Variants in MTRF1 observed in about 807,000 individuals in gnomAD.
MTRF1 encodes mitochondrial translation release factor 1.
MTRF1 carries 51 observed loss-of-function variants against 62.9 expected under a neutral mutation model. The observed-to-expected ratio is 0.81, with a 90% confidence interval of 0.65 to 1.02. The LOEUF (loss-of-function observed/expected upper bound fraction) is 1.02, where lower values mean the gene tolerates loss of function less well. MTRF1 is among the 50% of genes least tolerant of loss of function. MTRF1 has a pLI of 0.00. For missense variants in MTRF1, 446 were observed against 530.0 expected, an observed-to-expected ratio of 0.84 and a Z score of 1.56; for synonymous variants, 158 against 181.9, an observed-to-expected ratio of 0.87 and a Z score of 1.06.
chr13:41,246,146 G>C (rs769825981), intron 5 of MTRF1, among the ~76,000 whole-genome samples: 2 of 152,124 alleles, frequency 1.3e-5, no homozygotes, highest in South Asian at 2.1e-4. Context: ...GTTATGAGAG[G>C]GTTCTCCAGT....
chr13:41,311,346 C>T, the MTRF1 span: 1 of 608,260 alleles, frequency 1.6e-6, no homozygotes, highest in South Asian at 2.0e-5. Flanking sequence ...AGACCGCCTT[C>T]CTTCTCCATT....
In MTRF1 at chr13:41,223,268, A is replaced by C; in HGVS notation, c.1212T>G (p.Val404=). 1 of 1,612,430 alleles carries C rather than the reference A, an allele frequency of 6.2e-7. No homozygotes were observed. ...RVSDHRIAYE[V]RDIKEFLCGG... ...TCAGTAGTATTACCTTAATATCACG[A>C]ACTTCATATGCTATCCTGTGGTCAC... The change falls in exon 9 of 10, where the codon GTT becomes GTG. Residue 404 remains valine (V), a synonymous_variant. Transcript: ENST00000379480.
intron 1 of MTRF1, 122 bp from the exon 2 acceptor site, chr13:41,261,037 T>A: frequency 2.0e-6 from 2 of 978,028 alleles, no homozygotes; most frequent in Non-Finnish European, 2.9e-6. Context: ...TCCACAGTCT[T>A]AAAATTCAAC....
the MTRF1 span, among the ~76,000 whole-genome samples, chr13:41,280,064 A>T: frequency 1.3e-5 from 2 of 152,114 alleles, no homozygotes; most frequent in African/African-American, 4.8e-5. Flanking sequence ...CAGCCTCCCA[A>T]GTAGCAGGGA....
chr13:41,240,006 C>T (rs1229758853), intron 6 of MTRF1, among the ~76,000 whole-genome samples: 1 of 151,922 alleles, frequency 6.6e-6, no homozygotes, highest in African/African-American at 2.4e-5. Context: ...ACTAAAAATA[C>T]AAAAAAATTA....
the MTRF1 span, among the ~76,000 whole-genome samples, chr13:41,291,327 C>CCCA: frequency 6.6e-6 from 1 of 151,746 alleles, no homozygotes; most frequent in African/African-American, 2.4e-5. Flanking sequence ...ATAGGCACAC[C>CCCA]CCACCACTCC....
At chr13:41,239,572 A>AT (rs1198204338) in intron 6 of MTRF1, among the ~76,000 whole-genome samples, 1 of 152,040 alleles carries the variant, frequency 6.6e-6, no homozygotes. Context: ...TAAAAAAAAA[A>AT]GGTTAGGGAA....
intron 7 of MTRF1, among the ~76,000 whole-genome samples, chr13:41,231,620 GA>G (rs2035574158): frequency 6.6e-6 from 1 of 152,180 alleles, no homozygotes; most frequent in Non-Finnish European, 1.5e-5. Context: ...TAAAAAAGCT[GA>G]TTAATCCTCT....
chr13:41,246,081 C>T (rs1249164349), intron 5 of MTRF1, among the ~76,000 whole-genome samples: 1 of 152,190 alleles, frequency 6.6e-6, no homozygotes, highest in Non-Finnish European at 1.5e-5. Context: ...TAAACCTCCT[C>T]CCAGCTCCAG....
At chr13:41,227,438 TG>T (rs2034645062) in intron 7 of MTRF1, among the ~76,000 whole-genome samples, 1 of 152,172 alleles carries the variant, frequency 6.6e-6, no homozygotes, top group African/African-American at 2.4e-5. Context: ...CTAAGTTAGC[TG>T]GGGTCCAGCT....
intron 9 of MTRF1, among the ~76,000 whole-genome samples, chr13:41,222,734 A>G (rs939884106): frequency 1.3e-5 from 2 of 152,234 alleles, no homozygotes; most frequent in African/African-American, 4.8e-5. Flanking sequence ...CAGTCCTACA[A>G]TCGAAGGCAA....
chr13:41,231,669 A>G (rs1035214406), intron 7 of MTRF1, among the ~76,000 whole-genome samples: 3 of 152,196 alleles, frequency 2.0e-5, no homozygotes, highest in Non-Finnish European at 4.4e-5. Context: ...GGGTATGTGG[A>G]TAAGTGCACT....
chr13:41,307,512 T>C, the MTRF1 span, among the ~76,000 whole-genome samples: 1,599 of 152,014 alleles, frequency 0.011, 30 homozygotes, highest in African/African-American at 0.035. Context: ...TGGTCCCAGC[T>C]ACTCAGGAGG....
At chr13:41,267,017 A>AAAT (rs2040848388), upstream of MTRF1, among the ~76,000 whole-genome samples, 1 of 141,166 alleles carries the variant, frequency 7.1e-6, no homozygotes, top group East Asian at 2.1e-4. Flanking sequence ...AAAAAAAAAA[A>AAAT]CAAATTTCCC....
rs1411812589 is a variant in MTRF1 at position 41,233,896 on chromosome 13, G to A, written c.982C>T (p.Pro328Ser). The A allele has an allele frequency of 6.2e-7, 1 of 1,611,470 alleles. No individual in the cohort carries two copies. Among genetic ancestry groups the A allele is most frequent in the East Asian group, 2.2e-5 (1 of 44,874 alleles). Residue 328 changes from proline to serine, a missense_variant, in exon 7 of 10, where the codon CCC becomes TCC. Transcript: ENST00000379480. ...TDSAVRLVHI[P>S]TGLVVECQQE... ...AGCCAAGGGGCTTGCTTACCTGTGGGGATGTGGACAAGTCTGACGGCACTA... is the reference window on the plus strand; with the variant it reads ...AGCCAAGGGGCTTGCTTACCTGTGGAGATGTGGACAAGTCTGACGGCACTA...
At chr13:41,302,282 G>T in the MTRF1 span, among the ~76,000 whole-genome samples, 1 of 151,930 alleles carries the variant, frequency 6.6e-6, no homozygotes, top group Admixed American at 6.6e-5. Flanking sequence ...CACCCGCCTC[G>T]GCCTTCCAAA....
Position 41,233,943 on chromosome 13 carries a change from C to T in MTRF1, c.935G>A (p.Gly312Glu). The part of the protein sequence containing the change: ...IDTFRAKGAG[G>E]QHVNKTDSAV... Reference sequence around the variant, plus strand: ...ACTATCAGTTTTATTAACATGCTGCCCTCCTGCTCCTTTGGCTCGAAATGT... The same window carrying T: ...ACTATCAGTTTTATTAACATGCTGCTCTCCTGCTCCTTTGGCTCGAAATGT... The change falls in exon 7 of 10, where the codon GGG becomes GAG. Residue 312 changes from glycine to glutamate, a missense_variant. By Grantham distance (98) the Gly-to-Glu change is moderately conservative. Transcript: ENST00000379480. The T allele has an allele frequency of 4.3e-6, 7 of 1,614,068 alleles. No homozygotes were observed. Among genetic ancestry groups the T allele is most frequent in the Non-Finnish European group, 5.9e-6 (7 of 1,179,992 alleles).
At chr13:41,246,958 G>C (rs1372301171) in intron 5 of MTRF1, among the ~76,000 whole-genome samples, 7 of 152,256 alleles carry the variant, frequency 4.6e-5, no homozygotes, top group Admixed American at 1.3e-4. Context: ...TTCCTTATGT[G>C]TAAATAATAA....
rs748702884 is a variant in MTRF1, at chr13:41,260,791, CAGCCTTGTATCAAGATGTATCTGTCTAA to C, written c.89_116del (p.Phe30CysfsTer15). The C allele has an allele frequency of 1.2e-5, 19 of 1,614,048 alleles. No homozygotes were observed. The highest frequency in any genetic ancestry group is 1.6e-4 in the Middle Eastern group (1 of 6,084). On this transcript the variant is annotated frameshift_variant, in exon 2 of 10. Coordinates refer to ENST00000379480, the MANE Select transcript of MTRF1 (RefSeq NM_004294.4). LOFTEE classifies it high-confidence loss of function. ...AATTCCTGTTTTGTCTAAAAACTTG[CAGCCTTGTATCAAGATGTATCTGTCTAA>C]ATTGATGAGAATGGAGCTGGATGTG... is the stretch of plus-strand genomic sequence containing the variant.
Sources: allele counts gnomAD v4.1 joint callset (sites outside exome capture counted in the v4.1 genomes callset), GRCh38; gene constraint gnomAD v4.1.1; transcripts MANE v1.5; gene names NCBI Gene and HGNC (gene_info 2026-07-23, HGNC 2026-07-21).